Variants in CCSER1 observed in about 807,000 individuals in gnomAD.
The protein encoded by CCSER1 is coiled-coil serine rich protein 1, also known as serine-rich coiled-coil domain-containing protein 1.
In CCSER1, 41 loss-of-function variants were observed where a neutral mutation model predicts 82.0. The observed-to-expected ratio is 0.50, with a 90% CI of 0.39 to 0.65. The LOEUF is 0.65. CCSER1 is among the 30% of genes least tolerant of loss of function. The pLI, the probability that CCSER1 is intolerant of heterozygous loss-of-function variation, is 0.00. For synonymous variants in CCSER1, 414 were observed against 383.9 expected (o/e 1.08, Z -0.92); for missense variants, 1,119 against 1,064.2 (o/e 1.05, Z -0.72).
chr4:91,221,617 A>C (rs1737749666), intron 10 of CCSER1, among the ~76,000 whole-genome samples: 1 of 152,208 alleles, frequency 6.6e-6, no homozygotes, highest in Non-Finnish European at 1.5e-5. Context: ...TAACTTCATC[A>C]GGTCAAACAC....
Position 91,453,304 on chromosome 4 carries a change from G to A in CCSER1, c.2218-145268G>A, listed in dbSNP as rs113340384. On this transcript the variant is annotated intron_variant, in intron 10 of 10. Coordinates refer to ENST00000509176, the MANE Select transcript of CCSER1 (RefSeq NM_001145065.2). ...GTCAATCAAACTTATAACACTGTCTGCTTGAGAAAGTCACCATGTTCATTT... is the reference window on the plus strand; with the variant it reads ...GTCAATCAAACTTATAACACTGTCTACTTGAGAAAGTCACCATGTTCATTT... Among the ~76,000 whole-genome samples the A allele has an allele frequency of 4.8e-4, 73 of 152,082 alleles. 1 individual carries two copies. Among genetic ancestry groups the A allele is most frequent in the South Asian group, 2.9e-3 (14 of 4,826 alleles).
intron 3 of CCSER1, among the ~76,000 whole-genome samples, chr4:90,335,210 C>G (rs1166088913): frequency 2.0e-5 from 3 of 152,106 alleles, no homozygotes; most frequent in Non-Finnish European, 2.9e-5. Context: ...AGATTATTTT[C>G]TAATTAAAAT....
At chr4:91,077,904 T>A (rs887621425) in intron 9 of CCSER1, among the ~76,000 whole-genome samples, 1 of 152,196 alleles carries the variant, frequency 6.6e-6, no homozygotes, top group Non-Finnish European at 1.5e-5. Flanking sequence ...TGGAGGGGCA[T>A]CTGCCATTGC....
intron 5 of CCSER1, among the ~76,000 whole-genome samples, chr4:90,554,939 G>T (rs1375355097): frequency 6.6e-6 from 1 of 152,084 alleles, no homozygotes; most frequent in Admixed American, 6.6e-5. Flanking sequence ...TCTTGAATCT[G>T]GCAGTAACAC....
rs903950516 is a variant in CCSER1, at chr4:90,308,831, A to G, written c.547A>G (p.Lys183Glu). Reference sequence around the variant, plus strand: ...GCAGTCAACAAGGAAGCTACTCCCTAAATCTTTTTCATCTCACTATAAATT... The same window carrying G: ...GCAGTCAACAAGGAAGCTACTCCCTGAATCTTTTTCATCTCACTATAAATT... ...VKQSTRKLLP[K>E]SFSSHYKFSK... The change falls in exon 2 of 11, where the codon AAA (lysine) becomes GAA (glutamate). Residue 183 changes from lysine (K) to glutamate (E), a missense_variant. Coordinates refer to ENST00000509176, the MANE Select transcript of CCSER1 (RefSeq NM_001145065.2). The G allele has an allele frequency of 6.2e-7, 1 of 1,613,632 alleles. No individual in the cohort carries two copies. Among genetic ancestry groups the G allele is most frequent in the Non-Finnish European group, 8.5e-7 (1 of 1,179,800 alleles).
At chr4:90,712,120 TG>T (rs1185712946) in intron 6 of CCSER1, among the ~76,000 whole-genome samples, 2 of 151,944 alleles carry the variant, frequency 1.3e-5, no homozygotes, top group African/African-American at 4.8e-5. Context: ...TTGATTTTTT[TG>T]AAGTGTTTGT....
At chr4:90,351,525 C>A (rs1307680771) in intron 3 of CCSER1, among the ~76,000 whole-genome samples, 1 of 151,952 alleles carries the variant, frequency 6.6e-6, no homozygotes, top group Non-Finnish European at 1.5e-5. Context: ...ATAAATGGAA[C>A]AGAATTCCAC....
chr4:91,025,867 CTTGT>C (rs1477152667), intron 9 of CCSER1, among the ~76,000 whole-genome samples: 2 of 151,936 alleles, frequency 1.3e-5, no homozygotes, highest in Admixed American at 6.6e-5. Context: ...ATTTTGTCTG[CTTGT>C]TTATTTTTAA....
chr4:90,883,414 G>A (rs544430335), intron 8 of CCSER1, among the ~76,000 whole-genome samples: 13 of 152,098 alleles, frequency 8.5e-5, no homozygotes, highest in African/African-American at 3.1e-4. Context: ...TGACACTACA[G>A]TGTGCCAGGA....
intron 10 of CCSER1, among the ~76,000 whole-genome samples, chr4:91,426,262 C>T (rs1224544993): frequency 6.6e-6 from 1 of 152,122 alleles, no homozygotes; most frequent in Admixed American, 6.5e-5. Context: ...GTTTATGTGC[C>T]ACATTTTCTT....
intron 7 of CCSER1, among the ~76,000 whole-genome samples, chr4:90,776,913 A>G (rs1752965057): frequency 6.6e-6 from 1 of 152,112 alleles, no homozygotes; most frequent in African/African-American, 2.4e-5. Flanking sequence ...AGTTAACTTC[A>G]TCCTCTCCAT....
At chr4:91,471,969 CAAAAAAAAA>C (rs11313305) in intron 10 of CCSER1, among the ~76,000 whole-genome samples, 1 of 88,142 alleles carries the variant, frequency 1.1e-5, no homozygotes, top group Non-Finnish European at 2.3e-5. Flanking sequence ...CACTCCATCT[CAAAAAAAAA>C]AAAAAAAAGA....
intron 9 of CCSER1, among the ~76,000 whole-genome samples, chr4:90,939,858 A>T (rs906123336): frequency 3.3e-5 from 5 of 152,124 alleles, no homozygotes; most frequent in Admixed American, 6.6e-5. Flanking sequence ...ACCCTCCGTG[A>T]TCTAAAATAC....
At chr4:90,346,584 T>G (rs1742394759) in intron 3 of CCSER1, among the ~76,000 whole-genome samples, 1 of 152,082 alleles carries the variant, frequency 6.6e-6, no homozygotes, top group South Asian at 2.1e-4. Flanking sequence ...TGTCTAGATT[T>G]ATGAAGAGCT....
intron 3 of CCSER1, among the ~76,000 whole-genome samples, chr4:90,380,552 G>C (rs1749044597): frequency 6.6e-6 from 1 of 152,098 alleles, no homozygotes; most frequent in Non-Finnish European, 1.5e-5. Flanking sequence ...TTGTCCCTCA[G>C]AATACATTTA....
intron 5 of CCSER1, among the ~76,000 whole-genome samples, chr4:90,486,102 C>T (rs1767008552): frequency 6.6e-6 from 1 of 152,126 alleles, no homozygotes; most frequent in Non-Finnish European, 1.5e-5. Context: ...TTTCACTTTT[C>T]CTTGATAGTC....
At chr4:90,819,934 G>GA (rs1759515530) in intron 8 of CCSER1, among the ~76,000 whole-genome samples, 1 of 152,204 alleles carries the variant, frequency 6.6e-6, no homozygotes, top group South Asian at 2.1e-4. Flanking sequence ...ACTAATTGGA[G>GA]AAAACGAGAC....
intron 8 of CCSER1, among the ~76,000 whole-genome samples, chr4:90,834,191 T>C (rs944476435): frequency 6.6e-6 from 1 of 152,232 alleles, no homozygotes; most frequent in Non-Finnish European, 1.5e-5. Flanking sequence ...TCAGCCCTCA[T>C]GGAAGCCTCA....
chr4:91,148,533 G>A (rs1013452369), intron 10 of CCSER1, among the ~76,000 whole-genome samples: 1 of 151,598 alleles, frequency 6.6e-6, no homozygotes, highest in African/African-American at 2.4e-5. Flanking sequence ...TGTGCGCAAC[G>A]TGCAGGTTTG....
Sources: gnomAD v4.1 joint callset for allele counts (sites outside exome capture counted in the v4.1 genomes callset) on GRCh38, gnomAD v4.1.1 for gene constraint, MANE v1.5 for transcripts, NCBI Gene and HGNC (gene_info 2026-07-23, HGNC 2026-07-21) for gene names.